NEK11: variants seen among roughly 807,000 people sequenced by gnomAD.
NEK11 encodes NIMA related kinase 11, also known as serine/threonine-protein kinase Nek11.
Under a neutral mutation model 80.7 loss-of-function variants are expected in NEK11, and 72 were observed. The observed-to-expected ratio is 0.89, with a 90% CI of 0.74 to 1.08. The LOEUF is 1.08. NEK11 is among the 50% of genes least tolerant of loss of function. The probability of loss-of-function intolerance (pLI) is 0.00; values close to 1 mark genes in which losing one functional copy is unlikely to be tolerated. For missense variants in NEK11, 764 were observed against 763.6 expected, an observed-to-expected ratio of 1.00 and a Z score of -0.01; for synonymous variants, 251 against 260.7, an observed-to-expected ratio of 0.96 and a Z score of 0.36.
intron 3 of NEK11, among the ~76,000 whole-genome samples, chr3:131,054,791 AAT>A (rs2069114709): frequency 1.1e-5 from 1 of 87,152 alleles, no homozygotes; most frequent in Admixed American, 1.0e-4. Flanking sequence ...TAAATAAATA[AAT>A]GAATGAATGT....
intron 3 of NEK11, among the ~76,000 whole-genome samples, chr3:131,032,253 C>T (rs573187302): frequency 1.3e-5 from 2 of 152,240 alleles, no homozygotes; most frequent in Admixed American, 6.5e-5. Context: ...TGAGCCATCG[C>T]GCCTGGCCAG....
At chr3:131,141,492 C>A in intron 7 of NEK11, among the ~76,000 whole-genome samples, 1 of 152,130 alleles carries the variant, frequency 6.6e-6, no homozygotes, top group East Asian at 1.9e-4. Context: ...CCAGAAGAAC[C>A]ATTTGGCCAG....
intron 4 of NEK11, among the ~76,000 whole-genome samples, chr3:131,104,426 A>G (rs1463181584): frequency 6.6e-6 from 1 of 152,106 alleles, no homozygotes; most frequent in African/African-American, 2.4e-5. Context: ...TCTGGAGGCC[A>G]ATGACAGTTC....
In NEK11 at chr3:131,061,448, A is replaced by G. The variant is rs539603803; in HGVS notation, c.171-18975A>G. On this transcript the variant is annotated intron_variant, in intron 3 of 17. Coordinates refer to ENST00000383366, the MANE Select transcript of NEK11 (RefSeq NM_024800.5). ...GCTATTTCTATACCTGGTAGACCCCATCTAATTTTTATTCTGCCTTATGAT... is the reference window on the plus strand; with the variant it reads ...GCTATTTCTATACCTGGTAGACCCCGTCTAATTTTTATTCTGCCTTATGAT... Among the ~76,000 whole-genome samples the G allele has an allele frequency of 5.9e-5, 9 of 151,776 alleles. No individual in the cohort carries two copies. In the South Asian group the frequency reaches 1.3e-3, roughly 21 times the overall value.
chr3:131,247,726 A>G (rs2095627336), intron 16 of NEK11, among the ~76,000 whole-genome samples: 1 of 152,004 alleles, frequency 6.6e-6, no homozygotes, highest in Admixed American at 6.6e-5. Flanking sequence ...CTCTCCATCC[A>G]TGAGCGTGGG....
intron 2 of NEK11, among the ~76,000 whole-genome samples, chr3:131,028,423 A>G (rs866154272): frequency 2.0e-5 from 3 of 152,230 alleles, no homozygotes; most frequent in African/African-American, 2.4e-5. Context: ...TCAATTTAAA[A>G]TGTTATTTCT....
At chr3:131,039,757 T>C (rs1342706383) in intron 3 of NEK11, among the ~76,000 whole-genome samples, 1 of 152,234 alleles carries the variant, frequency 6.6e-6, no homozygotes, top group Admixed American at 6.5e-5. Context: ...AATTCTCAAG[T>C]TAAAATTAGT....
chr3:131,345,349 A>C (rs77773243), intron 17 of NEK11, among the ~76,000 whole-genome samples: 2,901 of 152,334 alleles, frequency 0.019, 45 homozygotes, highest in East Asian at 0.087. Flanking sequence ...TAACTGCAAA[A>C]AACCAAATAA....
chr3:131,243,639 T>C, intron 16 of NEK11, 143 bp downstream of exon 16: 1 of 673,040 alleles, frequency 1.5e-6, no homozygotes, highest in South Asian at 2.1e-5. Flanking sequence ...GTTGAATGTC[T>C]GACCCAAAAG....
chr3:131,220,781 G>A (rs919638387), intron 14 of NEK11, among the ~76,000 whole-genome samples: 1 of 152,176 alleles, frequency 6.6e-6, no homozygotes. Flanking sequence ...GGTGTCCGGG[G>A]CAGACTCTAG....
At chr3:131,231,366 A>C (rs1174857752) in intron 15 of NEK11, among the ~76,000 whole-genome samples, 2 of 150,046 alleles carry the variant, frequency 1.3e-5, no homozygotes, top group Non-Finnish European at 3.0e-5. Context: ...CCTCAGGCCC[A>C]CATCAGTCAC....
chr3:131,049,139 T>C (rs1289840580), intron 3 of NEK11, among the ~76,000 whole-genome samples: 1 of 152,234 alleles, frequency 6.6e-6, no homozygotes, highest in African/African-American at 2.4e-5. Flanking sequence ...GTTTAGTATT[T>C]TGGTTCTAAA....
At chr3:131,303,020 G>C (rs938004573) in intron 17 of NEK11, among the ~76,000 whole-genome samples, 2 of 152,010 alleles carry the variant, frequency 1.3e-5, no homozygotes, top group African/African-American at 4.8e-5. Flanking sequence ...TTCTGTGTTG[G>C]GTGCATATAT....
intron 16 of NEK11, among the ~76,000 whole-genome samples, chr3:131,266,189 T>G (rs1342892849): frequency 1.3e-5 from 2 of 152,182 alleles, no homozygotes; most frequent in Non-Finnish European, 2.9e-5. Context: ...TTTGAAGGGT[T>G]TTTCCTGTCT....
At chr3:131,317,811 GA>G (rs2096857624) in intron 17 of NEK11, among the ~76,000 whole-genome samples, 1 of 88,108 alleles carries the variant, frequency 1.1e-5, no homozygotes, top group South Asian at 5.9e-4. Context: ...AGGAGGAGAG[GA>G]GGAGGGGGAG....
chr3:131,314,364 C>T (rs186441433), intron 17 of NEK11, among the ~76,000 whole-genome samples: 97 of 152,274 alleles, frequency 6.4e-4, no homozygotes, highest in African/African-American at 2.3e-3. Context: ...TATCAAATTG[C>T]ACAACAAATC....
chr3:131,258,151 C>T (rs75908740), intron 16 of NEK11, among the ~76,000 whole-genome samples: 2,761 of 145,890 alleles, frequency 0.019, 37 homozygotes, highest in East Asian at 0.094. Flanking sequence ...ATAATGGACT[C>T]TGGGGACTCA....
intron 17 of NEK11, among the ~76,000 whole-genome samples, chr3:131,277,347 T>G (rs557453164): frequency 5.3e-5 from 8 of 152,330 alleles, no homozygotes; most frequent in African/African-American, 1.9e-4. Context: ...TCTTTGACAC[T>G]TTCCCTTGGA....
intron 17 of NEK11, among the ~76,000 whole-genome samples, chr3:131,280,649 A>G (rs1024338367): frequency 3.3e-5 from 5 of 152,310 alleles, no homozygotes; most frequent in Admixed American, 6.5e-5. Context: ...AACATGTTCA[A>G]TATTTCCTCT....
Sources: gnomAD v4.1 joint callset for allele counts (sites outside exome capture counted in the v4.1 genomes callset) on GRCh38, gnomAD v4.1.1 for gene constraint, MANE v1.5 for transcripts, NCBI Gene and HGNC (gene_info 2026-07-23, HGNC 2026-07-21) for gene names.